Variants in CTIF observed in about 807,000 individuals in gnomAD.
CTIF encodes the protein CBP80/20-dependent translation initiation factor.
CTIF carries 21 observed loss-of-function variants against 66.0 expected under a neutral mutation model. That is an observed-to-expected ratio of 0.32 (90% CI 0.23 to 0.46). The LOEUF (loss-of-function observed/expected upper bound fraction) is 0.46. Ranked by LOEUF, CTIF falls within the 20% of genes least tolerant of loss-of-function variation. The probability of loss-of-function intolerance (pLI) is 1.00; values close to 1 mark genes in which losing one functional copy is unlikely to be tolerated. For missense variants in CTIF, 739 were observed against 812.7 expected, an observed-to-expected ratio of 0.91 and a Z score of 1.10; for synonymous variants, 345 against 326.4, an observed-to-expected ratio of 1.06 and a Z score of -0.62.
intron 3 of CTIF, among the ~76,000 whole-genome samples, chr18:48,660,461 C>T (rs1886876528): frequency 6.6e-6 from 1 of 152,214 alleles, no homozygotes. Flanking sequence ...TAAACACATA[C>T]ATGCAGGCAC....
chr18:48,539,386 G>A (rs1464707071), intron 1 of CTIF, 74 bp downstream of exon 1: 1 of 152,228 alleles, frequency 6.6e-6, no homozygotes, highest in Non-Finnish European at 1.5e-5. Flanking sequence ...CCGGGAGGAG[G>A]GCTGCGTGAC....
chr18:48,796,759 T>C (rs958924608), intron 9 of CTIF, among the ~76,000 whole-genome samples: 23 of 152,214 alleles, frequency 1.5e-4, no homozygotes, highest in African/African-American at 5.5e-4. Context: ...TGCTCTTGCC[T>C]CTTTTACATG....
intron 8 of CTIF, among the ~76,000 whole-genome samples, chr18:48,759,153 C>T (rs992585259): frequency 6.6e-6 from 1 of 152,222 alleles, no homozygotes; most frequent in African/African-American, 2.4e-5. Context: ...GCAGTAAGTC[C>T]ATTGTGCTCA....
At chr18:48,661,038 C>T (rs1003383567) in intron 3 of CTIF, among the ~76,000 whole-genome samples, 1 of 152,236 alleles carries the variant, frequency 6.6e-6, no homozygotes, top group Non-Finnish European at 1.5e-5. Flanking sequence ...CGTGCTTCCT[C>T]CTGTTACAAA....
intron 1 of CTIF, among the ~76,000 whole-genome samples, chr18:48,568,669 G>C (rs1214156797): frequency 2.8e-5 from 1 of 35,652 alleles, no homozygotes; most frequent in South Asian, 9.9e-4. Flanking sequence ...AAAAAAAAAA[G>C]AGGTTTAATG....
intron 9 of CTIF, among the ~76,000 whole-genome samples, chr18:48,764,135 C>T (rs967879927): frequency 1.4e-4 from 21 of 152,176 alleles, no homozygotes; most frequent in African/African-American, 5.1e-4. Context: ...ATCTCACACT[C>T]CTACTTCAGG....
intron 9 of CTIF, among the ~76,000 whole-genome samples, chr18:48,781,605 T>C (rs1911229347): frequency 6.6e-6 from 1 of 152,104 alleles, no homozygotes; most frequent in Non-Finnish European, 1.5e-5. Context: ...GTTGTGAAAG[T>C]GACCTATGGA....
intron 10 of CTIF, among the ~76,000 whole-genome samples, chr18:48,838,554 G>A (rs1170922009): frequency 6.6e-6 from 1 of 152,200 alleles, no homozygotes; most frequent in Non-Finnish European, 1.5e-5. Flanking sequence ...AACACAGACA[G>A]CATGTCTGTG....
At chr18:48,562,943 A>G (rs1390413169) in intron 1 of CTIF, among the ~76,000 whole-genome samples, 1 of 152,210 alleles carries the variant, frequency 6.6e-6, no homozygotes, top group East Asian at 1.9e-4. Context: ...GAGACTGCAC[A>G]CTGAAATGAC....
chr18:48,783,779 C>T (rs768407997), intron 9 of CTIF, among the ~76,000 whole-genome samples: 11 of 152,162 alleles, frequency 7.2e-5, no homozygotes, highest in Non-Finnish European at 1.2e-4. Flanking sequence ...TCCCGTAGGC[C>T]GGGGGAAACC....
At chr18:48,625,996 C>CTTTTTTTTTT (rs769138284) in intron 2 of CTIF, among the ~76,000 whole-genome samples, 2 of 114,488 alleles carry the variant, frequency 1.7e-5, no homozygotes, top group African/African-American at 7.1e-5. Context: ...ATTTCTTTTT[C>CTTTTTTTTTT]TTTCTTTTTT....
Position 48,820,386 on chromosome 18 carries a change from A to T in CTIF, c.1527+3010A>T, listed in dbSNP as rs564268398. Among the ~76,000 whole-genome samples, 31 of 152,260 alleles carry T rather than the reference A, an allele frequency of 2.0e-4. No homozygotes were observed. The South Asian group carries it at 6.4e-3, about 32-fold the overall frequency. ...TGGAAGTTTCCAGAGCCAAAGGCAC[A>T]GCTGCAGCCCCCTCCATGCTGGAAA... On this transcript the variant is annotated intron_variant, in intron 10 of 11. Transcript: ENST00000256413.
intron 7 of CTIF, among the ~76,000 whole-genome samples, chr18:48,746,901 T>G (rs1335353395): frequency 6.6e-6 from 1 of 152,122 alleles, no homozygotes; most frequent in African/African-American, 2.4e-5. Context: ...GTCCTTCCAC[T>G]ACCTCACGTC....
intron 3 of CTIF, among the ~76,000 whole-genome samples, chr18:48,641,001 G>A (rs1469428746): frequency 3.9e-5 from 6 of 152,178 alleles, no homozygotes; most frequent in African/African-American, 4.8e-5. Flanking sequence ...ACCAGCTGCC[G>A]GCAACTGGGA....
intron 6 of CTIF, among the ~76,000 whole-genome samples, chr18:48,672,395 C>G (rs1490598271): frequency 1.3e-5 from 2 of 152,202 alleles, no homozygotes; most frequent in African/African-American, 2.4e-5. Flanking sequence ...GACTCCTGGC[C>G]TCTGCCACTG....
At chr18:48,641,558 ACT>A (rs2090932592) in intron 3 of CTIF, among the ~76,000 whole-genome samples, 1 of 152,144 alleles carries the variant, frequency 6.6e-6, no homozygotes, top group Non-Finnish European at 1.5e-5. Flanking sequence ...AGTGAAGGGC[ACT>A]CTCTTGTTTC....
In CTIF at chr18:48,583,652, C is replaced by G. The variant is rs900552235; in HGVS notation, c.-28-35886C>G. Among the ~76,000 whole-genome samples the G allele has an allele frequency of 1.1e-4, 16 of 152,322 alleles. No individual in the cohort carries two copies. The South Asian group carries it at 3.3e-3, about 32-fold the overall frequency. ...CTGTCTTCTTCACTACCCCGTCCTC[C>G]ATGCTGGGCATATGAGCAGGGAGGG... is the stretch of plus-strand genomic sequence containing the variant. On this transcript the variant is annotated intron_variant, in intron 1 of 11. Coordinates refer to ENST00000256413, the MANE Select transcript of CTIF (RefSeq NM_014772.3).
intron 2 of CTIF, among the ~76,000 whole-genome samples, chr18:48,622,147 A>G (rs1293514376): frequency 6.6e-6 from 1 of 152,108 alleles, no homozygotes; most frequent in East Asian, 1.9e-4. Context: ...AGTCACCTGG[A>G]TGCTGAGCCA....
At position 48,860,047 on chromosome 18, in the gene CTIF, C is replaced by T. The variant is rs567260778; in HGVS notation, c.*488C>T. The T allele has an allele frequency of 1.4e-5, 6 of 427,350 alleles. No individual in the cohort carries two copies. Among genetic ancestry groups the T allele is most frequent in the East Asian group, 7.1e-5 (1 of 14,046 alleles). The allele number at this position is 427,350 out of a possible 1,614,324, so 26.5% of individuals were successfully genotyped here. A position where few individuals can be genotyped will look rare whatever the true frequency, so the allele number is the denominator to read the frequency against. ...GCAGTCGCCAACTGGCAGCAGGCGA[C>T]GTGTAGCAGATGTCCGGGAGGACAA... On this transcript the variant is annotated 3_prime_UTR_variant, in exon 12 of 12. Coordinates refer to ENST00000256413, the MANE Select transcript of CTIF (RefSeq NM_014772.3).
Sources: allele counts gnomAD v4.1 joint callset (sites outside exome capture counted in the v4.1 genomes callset), GRCh38; gene constraint gnomAD v4.1.1; transcripts MANE v1.5; gene names NCBI Gene and HGNC (gene_info 2026-07-23, HGNC 2026-07-21).